The following TYRO3 variants were observed in gnomAD, a reference collection of about 807,000 sequenced individuals.
TYRO3 encodes TYRO3 protein tyrosine kinase, also known as tyrosine-protein kinase receptor TYRO3.
In TYRO3, 38 loss-of-function variants were observed where a neutral mutation model predicts 95.2. The ratio of observed to expected loss-of-function variants is 0.40; its 90% CI spans 0.31 to 0.52. The LOEUF (loss-of-function observed/expected upper bound fraction) is 0.52, where lower values mean the gene tolerates loss of function less well. Among genes scored for constraint, TYRO3 ranks in the 20% least tolerant of loss-of-function variants. The probability of loss-of-function intolerance (pLI) is 0.56; values close to 1 mark genes in which losing one functional copy is unlikely to be tolerated. For missense variants in TYRO3, 812 were observed against 1,116.4 expected (o/e 0.73, Z 3.89); for synonymous variants, 367 against 432.9 (o/e 0.85, Z 1.89).
intron 4 of TYRO3, among the ~76,000 whole-genome samples, chr15:41,563,822 C>G (rs2055686527): frequency 6.6e-6 from 1 of 152,172 alleles, no homozygotes; most frequent in African/African-American, 2.4e-5. Flanking sequence ...AGGGCTCACT[C>G]TGGTATGCGC....
In TYRO3 at chr15:41,570,811, A is replaced by G. The variant is rs1361322950; in HGVS notation, c.1579+112A>G. The G allele has an allele frequency of 9.4e-6, 10 of 1,063,580 alleles. No homozygotes were observed. In the Middle Eastern group the frequency reaches 6.1e-4, roughly 65 times the overall value. 65.9% of individuals were successfully genotyped at this position (1,063,580 alleles called of 1,614,324 possible). A position where few individuals can be genotyped will look rare whatever the true frequency, so the allele number is the denominator to read the frequency against. ...TTGGGTCGGTTGCCGTAAACAAGAT[A>G]TGCTTGTAGACTCCTGAGTGTGGGA... On this transcript the variant is annotated intron_variant, in intron 12 of 18. Transcript: ENST00000263798.
chr15:41,566,551 A>T (rs1354044053), intron 6 of TYRO3, among the ~76,000 whole-genome samples: 1 of 152,078 alleles, frequency 6.6e-6, no homozygotes, highest in East Asian at 1.9e-4. Flanking sequence ...CCATCTTCCC[A>T]AGGATGGACC....
intron 9 of TYRO3, 24 bp downstream of exon 9, chr15:41,569,046 G>C: frequency 6.2e-7 from 1 of 1,610,006 alleles, no homozygotes; most frequent in East Asian, 2.2e-5. Flanking sequence ...GTGGAGAGGG[G>C]CAGAGGCTCA....
intron 5 of TYRO3, chr15:41,564,775 TCA>T (rs796865864): frequency 1.8e-5 from 9 of 498,434 alleles, no homozygotes; most frequent in African/African-American, 1.7e-4. Flanking sequence ...ATCTTATTCC[TCA>T]GTTACACAGG....
In TYRO3 at chr15:41,571,602, C is replaced by T; in HGVS notation, c.1668C>T (p.Ile556=). The T allele has an allele frequency of 1.2e-6, 2 of 1,612,400 alleles. No homozygotes were observed. The highest frequency in any genetic ancestry group is 1.7e-6 in the Non-Finnish European group (2 of 1,178,496). ...KVAVKMLKAD[I]IASSDIEEFL... is the part of the protein sequence containing the mutation. The stretch of plus-strand genomic sequence containing the variant: ...CCCATCCCCTTCTCCTAGCTGACAT[C>T]ATTGCCTCAAGCGACATTGAAGAGT... The change falls in exon 14 of 19, where the codon ATC becomes ATT. Residue 556 remains isoleucine, a synonymous_variant. Coordinates refer to ENST00000263798, the MANE Select transcript of TYRO3 (RefSeq NM_006293.4).
chr15:41,560,418 TGTGTGTGTGTGC>T lies in TYRO3; in HGVS notation c.125-707_125-696del, dbSNP rs1206791345. On this transcript the variant is annotated intron_variant, in intron 1 of 18. Coordinates refer to ENST00000263798, the MANE Select transcript of TYRO3 (RefSeq NM_006293.4). Reference sequence around the variant, plus strand: ...ATGTGTGTGTGTGTGTGTGTGTGTGTGTGTGTGTGTGCGCGCGCGCGCGCGCGCTCGCACGCA... The same window carrying T: ...ATGTGTGTGTGTGTGTGTGTGTGTGTGCGCGCGCGCGCGCGCTCGCACGCA... Among the ~76,000 whole-genome samples the T allele has an allele frequency of 1.9e-4, 28 of 144,968 alleles. No individual in the cohort carries two copies. In the South Asian group the frequency reaches 3.5e-3, roughly 18 times the overall value.
chr15:41,578,634 T>A lies in TYRO3; in HGVS notation c.*358T>A, dbSNP rs964470326. ...AGCTCTGTGGGCCCTACCCTCCTGCTGAGCTGCCCCTGCTGCTTAAGTGCA... is the reference window on the plus strand; with the variant it reads ...AGCTCTGTGGGCCCTACCCTCCTGCAGAGCTGCCCCTGCTGCTTAAGTGCA... On this transcript the variant is annotated 3_prime_UTR_variant, in exon 19 of 19. Coordinates refer to ENST00000263798, the MANE Select transcript of TYRO3 (RefSeq NM_006293.4). 7 of 335,616 alleles carry A rather than the reference T, an allele frequency of 2.1e-5. No homozygotes were observed. The highest frequency in any genetic ancestry group is 3.2e-5 in the Non-Finnish European group (6 of 184,688). The allele number at this position is 335,616 out of a possible 1,614,324, so 20.8% of individuals were successfully genotyped here. A position where few individuals can be genotyped will look rare whatever the true frequency, so the allele number is the denominator to read the frequency against.
At chr15:41,560,575 C>G (rs1171487226) in intron 1 of TYRO3, among the ~76,000 whole-genome samples, 1 of 152,144 alleles carries the variant, frequency 6.6e-6, no homozygotes, top group African/African-American at 2.4e-5. Context: ...TGCCCACATT[C>G]AGGTATTAAT....
intron 17 of TYRO3, 92 bp downstream of exon 17, chr15:41,573,559 G>T: frequency 6.5e-7 from 1 of 1,547,374 alleles, no homozygotes; most frequent in African/African-American, 1.4e-5. Context: ...GCTCTCTGGG[G>T]TTTGGTTGCC....
intron 1 of TYRO3, 94 bp from the exon 2 acceptor site, chr15:41,561,031 GTC>G (rs1229023784): frequency 7.3e-7 from 1 of 1,371,062 alleles, no homozygotes; most frequent in Non-Finnish European, 1.0e-6. Flanking sequence ...AGAGCCCTCT[GTC>G]TGACACAGAA....
chr15:41,565,281 C>T (rs892338343), intron 6 of TYRO3, 140 bp downstream of exon 6: 101 of 620,716 alleles, frequency 1.6e-4, no homozygotes, highest in Non-Finnish European at 3.2e-5. Flanking sequence ...AGGAAGAACA[C>T]AGGCCACTGT....
rs2246444 is a variant in TYRO3, at chr15:41,573,290, C to T, written c.1986-18C>T. The T allele has an allele frequency of 0.44, 636,084 of 1,441,328 alleles. 129,833 individuals carry two copies. The highest frequency in any genetic ancestry group is 0.81 in the East Asian group (36,126 of 44,792). The allele number at this position is 1,441,328 out of a possible 1,614,324, so 89.3% of individuals were successfully genotyped here. On this transcript the variant is annotated intron_variant, in intron 16 of 18. Transcript: ENST00000263798. ...AGCATGGCAGAAGGCTGACTCTCTCCCTCAATGCCCCTTGTAGGCTGGCAG... is the reference window on the plus strand; with the variant it reads ...AGCATGGCAGAAGGCTGACTCTCTCTCTCAATGCCCCTTGTAGGCTGGCAG...
intron 9 of TYRO3, 32 bp from the exon 10 acceptor site, chr15:41,569,995 C>A (rs2055773760): frequency 2.5e-6 from 4 of 1,605,474 alleles, no homozygotes; most frequent in Non-Finnish European, 2.5e-6. Context: ...TGGTGTCATC[C>A]TAGCTCATGC....
chr15:41,570,381 T>C, intron 11 of TYRO3, 41 bp downstream of exon 11: 5 of 1,158,306 alleles, frequency 4.3e-6, no homozygotes, highest in Non-Finnish European at 6.3e-6. Flanking sequence ...ATGGGCTGTC[T>C]TGTGCCCCAT....
rs2055784031 is a variant in TYRO3 at position 41,570,686 on chromosome 15, G to A, written c.1566G>A (p.Arg522=). The change falls in exon 12 of 19, where the codon CGG becomes CGA. Residue 522 remains arginine, a synonymous_variant. Transcript: ENST00000263798. ...CAGAGCAGCAGTTCACCCTGGGCCG[G>A]ATGTTGGGCAAAGGTATGTGAGGCT... is the stretch of plus-strand genomic sequence containing the variant. The part of the protein sequence containing the change: ...LIPEQQFTLG[R]MLGKGEFGSV... 1.2e-6 allele frequency: 2 copies of A among 1,614,114 alleles called. No individual in the cohort carries two copies. Among genetic ancestry groups the A allele is most frequent in the Non-Finnish European group, 1.7e-6 (2 of 1,180,056 alleles).
At position 41,559,313 on chromosome 15, in the gene TYRO3, C is replaced by G; in HGVS notation, c.56C>G (p.Pro19Arg). 1.5e-6 allele frequency: 1 copy of G among 664,730 alleles called. No homozygotes were observed. The allele number at this position is 664,730 out of a possible 1,614,324, so 41.2% of individuals were successfully genotyped here. A position where few individuals can be genotyped will look rare whatever the true frequency, so the allele number is the denominator to read the frequency against. ...RPGLPPLPLP[P>R]PPRLGLLLAA... ...GGGCTCCCGCCGCTGCCGCTGCCGC[C>G]GCCACCGCGGCTCGGGCTGCTGCTG... is the stretch of plus-strand genomic sequence containing the variant. The change falls in exon 1 of 19, where the codon CCG (proline) becomes CGG (arginine). Residue 19 changes from proline to arginine, a missense_variant. Physicochemically the swap from Pro to Arg is moderately radical, Grantham distance 103 (BLOSUM62 -2). Coordinates refer to ENST00000263798, the MANE Select transcript of TYRO3 (RefSeq NM_006293.4).
chr15:41,561,023 AG>A (rs1285886372), intron 1 of TYRO3, 103 bp from the exon 2 acceptor site: 1 of 1,320,054 alleles, frequency 7.6e-7, no homozygotes, highest in African/African-American at 1.5e-5. Context: ...GCTGAGAAAG[AG>A]CCCTCTGTCT....
chr15:41,562,629 G>A lies in TYRO3; in HGVS notation c.491G>A (p.Gly164Asp), dbSNP rs1427395805. ...TTCCAACTGTCTTGTGAGGCTGTGG[G>A]TCCCCCTGAACCTGTTACCATTGTC... The part of the protein sequence containing the change: ...APFQLSCEAV[G>D]PPEPVTIVWW... The change falls in exon 4 of 19, where the codon GGT (glycine) becomes GAT (aspartate). Residue 164 changes from glycine (G) to aspartate (D), a missense_variant. By Grantham distance (94) the Gly-to-Asp change is moderately conservative. Transcript: ENST00000263798. The A allele has an allele frequency of 6.2e-7, 1 of 1,614,064 alleles. No individual in the cohort carries two copies. The highest frequency in any genetic ancestry group is 1.7e-5 in the Admixed American group (1 of 60,028).
intron 9 of TYRO3, 43 bp downstream of exon 9, chr15:41,569,065 A>G (rs768292494): frequency 3.4e-5 from 54 of 1,608,178 alleles, no homozygotes; most frequent in Non-Finnish European, 4.2e-5. Flanking sequence ...CAGGGGATCA[A>G]GGTTTTCAAG....
Sources: allele counts gnomAD v4.1 joint callset (sites outside exome capture counted in the v4.1 genomes callset), GRCh38; gene constraint gnomAD v4.1.1; transcripts MANE v1.5; gene names NCBI Gene and HGNC (gene_info 2026-07-23, HGNC 2026-07-21).